Variants in KIF3B observed in about 807,000 individuals in gnomAD.
KIF3B encodes the protein kinesin-like protein KIF3B.
A neutral mutation model predicts 74.3 loss-of-function variants in KIF3B; 38 were observed. The ratio of observed to expected loss-of-function variants is 0.51; its 90% CI spans 0.39 to 0.67. KIF3B has a LOEUF of 0.67. Ranked by LOEUF, KIF3B falls within the 30% of genes least tolerant of loss-of-function variation. The pLI, the probability that KIF3B is intolerant of heterozygous loss-of-function variation, is 0.00. For synonymous variants in KIF3B, 326 were observed against 342.5 expected, an observed-to-expected ratio of 0.95 and a Z score of 0.53; for missense variants, 649 against 932.0, an observed-to-expected ratio of 0.70 and a Z score of 3.95.
At chr20:32,324,235 C>T (rs926581981) in intron 5 of KIF3B, among the ~76,000 whole-genome samples, 5 of 152,126 alleles carry the variant, frequency 3.3e-5, no homozygotes, top group South Asian at 2.1e-4. Flanking sequence ...CTCTGAAGCA[C>T]GGGTTCCCAA....
At chr20:32,291,919 AT>A (rs1477270399) in intron 1 of KIF3B, among the ~76,000 whole-genome samples, 1 of 134,534 alleles carries the variant, frequency 7.4e-6, no homozygotes, top group Non-Finnish European at 1.6e-5. Context: ...GCCTCGCCTC[AT>A]TTTTTTTTTC....
intron 5 of KIF3B, among the ~76,000 whole-genome samples, chr20:32,324,754 TGCGGTG>T (rs1340188290): frequency 1.3e-5 from 2 of 152,102 alleles, no homozygotes; most frequent in African/African-American, 4.8e-5. Flanking sequence ...GTAGGCAAGG[TGCGGTG>T]GCTCATGCCT....
intron 1 of KIF3B, among the ~76,000 whole-genome samples, chr20:32,282,811 A>C (rs558379777): frequency 6.6e-6 from 1 of 152,156 alleles, no homozygotes; most frequent in Non-Finnish European, 1.5e-5. Context: ...ACAGTTCTGA[A>C]GTTTCAGAGC....
rs1166002310 is a variant in KIF3B at position 32,316,792 on chromosome 20, C to T, written c.1666C>T (p.His556Tyr). Residue 556 changes from histidine to tyrosine, a missense_variant, in exon 5 of 9, where the codon CAT (histidine) becomes TAT (tyrosine). Coordinates refer to ENST00000375712, the MANE Select transcript of KIF3B (RefSeq NM_004798.4). ...SKLQAVKAEI[H>Y]DLQEEHIKER... ...GCTTCAGGCAGTGAAGGCTGAGATC[C>T]ATGACCTCCAAGAAGAACACATCAA... 10 of 1,613,994 alleles carry T rather than the reference C, an allele frequency of 6.2e-6. No homozygotes were observed. In the Admixed American group the frequency reaches 1.7e-4, roughly 27 times the overall value.
At chr20:32,319,582 G>GTTTT (rs34028388) in intron 5 of KIF3B, among the ~76,000 whole-genome samples, 40 of 92,030 alleles carry the variant, frequency 4.3e-4, no homozygotes, top group East Asian at 1.2e-3. Flanking sequence ...TTTTGTTTTT[G>GTTTT]TTTTTTTTTT....
At chr20:32,280,015 T>C (rs2047634806) in intron 1 of KIF3B, among the ~76,000 whole-genome samples, 1 of 152,204 alleles carries the variant, frequency 6.6e-6, no homozygotes, top group African/African-American at 2.4e-5. Context: ...GAGGACTTTT[T>C]GGTAAGGGGC....
intron 1 of KIF3B, among the ~76,000 whole-genome samples, chr20:32,301,522 G>A (rs1032725720): frequency 1.3e-5 from 2 of 151,668 alleles, no homozygotes; most frequent in African/African-American, 2.4e-5. Context: ...GATTACAGGC[G>A]CCCACCACTA....
intron 5 of KIF3B, among the ~76,000 whole-genome samples, chr20:32,321,560 T>C (rs2047860215): frequency 6.6e-6 from 1 of 152,174 alleles, no homozygotes; most frequent in African/African-American, 2.4e-5. Context: ...TTACTATAGC[T>C]TTGTTAGTTT....
intron 5 of KIF3B, among the ~76,000 whole-genome samples, chr20:32,318,880 T>C (rs2122703414): frequency 6.6e-6 from 1 of 152,260 alleles, no homozygotes; most frequent in Admixed American, 6.5e-5. Context: ...AACTCAGTGT[T>C]TAACTTTTTG....
At chr20:32,280,011 T>C (rs2047634780) in intron 1 of KIF3B, among the ~76,000 whole-genome samples, 1 of 152,186 alleles carries the variant, frequency 6.6e-6, no homozygotes, top group African/African-American at 2.4e-5. Flanking sequence ...ATGAGAGGAC[T>C]TTTTGGTAAG....
chr20:32,307,910 C>T (rs1600427946), intron 1 of KIF3B, among the ~76,000 whole-genome samples: 2 of 141,764 alleles, frequency 1.4e-5, no homozygotes, highest in African/African-American at 5.2e-5. Context: ...CAAAGCAGGA[C>T]TCTGTCTCAA....
intron 5 of KIF3B, among the ~76,000 whole-genome samples, chr20:32,325,171 G>C (rs1044488272): frequency 6.6e-6 from 1 of 151,974 alleles, no homozygotes; most frequent in Non-Finnish European, 1.5e-5. Context: ...GGGTGATTAT[G>C]TTTTTTACAT....
chr20:32,285,560 G>T (rs2047663880), intron 1 of KIF3B, among the ~76,000 whole-genome samples: 2 of 152,126 alleles, frequency 1.3e-5, no homozygotes, highest in Non-Finnish European at 2.9e-5. Flanking sequence ...CTGAAAGGAT[G>T]GTGGGAACTG....
rs563744204 is a variant in KIF3B, at chr20:32,285,641, G to A, written c.-66+7876G>A. On this transcript the variant is annotated intron_variant, in intron 1 of 8. Transcript: ENST00000375712. ...GGAGCAAGTGACTCAACCTCTCTAG[G>A]CCTCTGTCTTGCGCATACATATATA... 3.3e-5 allele frequency among the ~76,000 whole-genome samples: 5 copies of A among 152,218 alleles called. No homozygotes were observed. In the East Asian group the frequency reaches 9.7e-4, roughly 29 times the overall value.
rs892400572 is a variant in KIF3B, at chr20:32,316,668, C to T, written c.1629+19C>T. 1.2e-6 allele frequency: 2 copies of T among 1,613,922 alleles called. No homozygotes were observed. Among genetic ancestry groups the T allele is most frequent in the African/African-American group, 2.7e-5 (2 of 74,888 alleles). On this transcript the variant is annotated intron_variant, in intron 4 of 8. Coordinates refer to ENST00000375712, the MANE Select transcript of KIF3B (RefSeq NM_004798.4). Reference sequence around the variant, plus strand: ...CAAAAAGGTATGAAAGGAATGAGGCCAGATGGAGTTGCCTTGAGACTTGGG... The same window carrying T: ...CAAAAAGGTATGAAAGGAATGAGGCTAGATGGAGTTGCCTTGAGACTTGGG...
In KIF3B at chr20:32,308,374, TCAC is replaced by T. The variant is rs1306351700; in HGVS notation, c.-65-1334_-65-1332del. ...GAGTAGCTGGGACCACAGGCACACA[TCAC>T]CACCCCTGGCTAATTTTTATTTTTG... On this transcript the variant is annotated intron_variant, in intron 1 of 8. Transcript: ENST00000375712. 2.0e-5 allele frequency among the ~76,000 whole-genome samples: 3 copies of T among 152,084 alleles called. No homozygotes were observed. In the East Asian group the frequency reaches 5.8e-4, roughly 29 times the overall value.
At chr20:32,278,076 C>T (rs1158699333) in intron 1 of KIF3B, among the ~76,000 whole-genome samples, 1 of 152,196 alleles carries the variant, frequency 6.6e-6, no homozygotes, top group Admixed American at 6.5e-5. Flanking sequence ...CGAACCTCGG[C>T]GCTGTGCTGG....
chr20:32,288,941 C>T (rs1215447164), intron 1 of KIF3B, among the ~76,000 whole-genome samples: 1 of 152,144 alleles, frequency 6.6e-6, no homozygotes, highest in Non-Finnish European at 1.5e-5. Flanking sequence ...GTTGGATCAA[C>T]TTTGGAAACT....
intron 5 of KIF3B, among the ~76,000 whole-genome samples, chr20:32,322,624 A>G (rs1158383656): frequency 9.2e-6 from 1 of 108,608 alleles, no homozygotes; most frequent in African/African-American, 4.1e-5. Context: ...AAAATTTTAT[A>G]TATTTATATA....
Sources: gnomAD v4.1 joint callset for allele counts (sites outside exome capture counted in the v4.1 genomes callset) on GRCh38, gnomAD v4.1.1 for gene constraint, MANE v1.5 for transcripts, NCBI Gene and HGNC (gene_info 2026-07-23, HGNC 2026-07-21) for gene names.